Variants in BRDT observed in about 807,000 individuals in gnomAD.
BRDT encodes bromodomain testis-specific protein.
A neutral mutation model predicts 113.9 loss-of-function variants in BRDT; 77 were observed. That is an observed-to-expected ratio of 0.68 (90% CI 0.56 to 0.82). BRDT has a LOEUF of 0.82. BRDT is among the 40% of genes least tolerant of loss of function. The probability of loss-of-function intolerance (pLI) is 0.00; values close to 1 mark genes in which losing one functional copy is unlikely to be tolerated. For synonymous variants in BRDT, 358 were observed against 366.5 expected (o/e 0.98, Z 0.26); for missense variants, 1,027 against 1,105.4 (o/e 0.93, Z 1.01).
intron 12 of BRDT, among the ~76,000 whole-genome samples, chr1:91,990,510 T>C (rs2101731840): frequency 6.6e-6 from 1 of 152,344 alleles, no homozygotes; most frequent in South Asian, 2.1e-4. Context: ...GATTTTAGCA[T>C]AATGGATGCT....
intron 4 of BRDT, among the ~76,000 whole-genome samples, chr1:91,975,590 A>G (rs1684057193): frequency 6.6e-6 from 1 of 152,214 alleles, no homozygotes; most frequent in African/African-American, 2.4e-5. Flanking sequence ...TAATGCTAAC[A>G]GGGTTTGCTG....
In BRDT at chr1:91,994,322, T is replaced by C. The variant is rs7553126; in HGVS notation, c.2287+68T>C. ...TTCTAAACCTATACATATATGAAAA[T>C]GTTATGGTCATCTTAAATGTTAAAT... On this transcript the variant is annotated intron_variant, in intron 15 of 18. Coordinates refer to ENST00000399546, the MANE Select transcript of BRDT (RefSeq NM_207189.4). The C allele has an allele frequency of 1.8e-3, 2,204 of 1,240,910 alleles. 34 individuals carry two copies. In the African/African-American group the frequency reaches 0.03, roughly 17 times the overall value. The allele number at this position is 1,240,910 out of a possible 1,614,324, so 76.9% of individuals were successfully genotyped here. A position where few individuals can be genotyped will look rare whatever the true frequency, so the allele number is the denominator to read the frequency against.
intron 1 of BRDT, among the ~76,000 whole-genome samples, chr1:91,957,186 T>G (rs1681866069): frequency 6.6e-6 from 1 of 152,138 alleles, no homozygotes; most frequent in Non-Finnish European, 1.5e-5. Flanking sequence ...AGGATTTGTA[T>G]GTGTGTTTTA....
At chr1:91,952,750 C>A (rs1233518818) in intron 1 of BRDT, among the ~76,000 whole-genome samples, 1 of 121,508 alleles carries the variant, frequency 8.2e-6, no homozygotes, top group Non-Finnish European at 1.6e-5. Context: ...TCAAGACCAG[C>A]CTGGGTAACG....
chr1:91,980,616 G>C (rs768496621), intron 8 of BRDT, 27 bp from the exon 9 acceptor site: 1 of 1,389,460 alleles, frequency 7.2e-7, no homozygotes, highest in Admixed American at 2.8e-5. Flanking sequence ...AGACATGAAT[G>C]TTTACAGATT....
intron 15 of BRDT, among the ~76,000 whole-genome samples, chr1:91,996,113 T>C (rs748248412): frequency 8.5e-5 from 13 of 152,136 alleles, no homozygotes; most frequent in Admixed American, 2.0e-4. Flanking sequence ...GAAGATATGA[T>C]AGCTATAGGT....
At position 91,968,132 on chromosome 1, in the gene BRDT, A is replaced by G. The variant is rs368145053; in HGVS notation, c.331-14A>G. 2.5e-6 allele frequency: 4 copies of G among 1,612,644 alleles called. No individual in the cohort carries two copies. In the African/African-American group the frequency reaches 5.3e-5, roughly 22 times the overall value. On this transcript the variant is annotated splice_polypyrimidine_tract_variant and intron_variant, in intron 3 of 18. Coordinates refer to ENST00000399546, the MANE Select transcript of BRDT (RefSeq NM_207189.4). ...TACTGTATATCCTTATGGTATATTT[A>G]ATATATTTTGTAGCCTGGAGATGAC...
At chr1:92,007,166 T>C (rs11165947) in intron 18 of BRDT, among the ~76,000 whole-genome samples, 105,312 of 152,070 alleles carry the variant, frequency 0.69, 38,122 homozygotes, top group Middle Eastern at 0.8. Flanking sequence ...ATCTTGATAA[T>C]TGTTTTCTGT....
chr1:91,970,712 G>A (rs949812374), intron 4 of BRDT, among the ~76,000 whole-genome samples: 3 of 152,100 alleles, frequency 2.0e-5, no homozygotes, highest in African/African-American at 7.2e-5. Flanking sequence ...AGGAATTCAA[G>A]ACCAGCCTGA....
intron 5 of BRDT, 48 bp from the exon 6 acceptor site, chr1:91,976,995 T>A (rs766037028): frequency 4.6e-5 from 66 of 1,422,428 alleles, no homozygotes; most frequent in Non-Finnish European, 5.7e-5. Context: ...AACTATGCTC[T>A]GAATATCATC....
At chr1:91,992,381 T>C in intron 14 of BRDT, 67 bp downstream of exon 14, 1 of 925,782 alleles carries the variant, frequency 1.1e-6, no homozygotes, top group Non-Finnish European at 1.6e-6. Context: ...AGGGGCTTAC[T>C]TTTTAAAATA....
rs1289443778 is a variant in BRDT, at chr1:91,980,775, A to G, written c.1420A>G (p.Met474Val). Residue 474 changes from methionine (M) to valine (V), a missense_variant, in exon 9 of 19, where the codon ATG (methionine) becomes GTG (valine). By Grantham distance (21) the Met-to-Val change is conservative. Transcript: ENST00000399546. ...TAACAGCAATGAAAATCCAAGAAAA[A>G]TGTGTGAGCAAATGAGGCTAAAGGA... ...VNNSNENPRK[M>V]CEQMRLKEKS... 6.2e-7 allele frequency: 1 copy of G among 1,604,814 alleles called. No individual in the cohort carries two copies. The highest frequency in any genetic ancestry group is 2.2e-5 in the East Asian group (1 of 44,792).
intron 1 of BRDT, among the ~76,000 whole-genome samples, chr1:91,956,189 T>C (rs963805734): frequency 6.6e-6 from 1 of 152,194 alleles, no homozygotes; most frequent in African/African-American, 2.4e-5. Flanking sequence ...CAAAATGTTA[T>C]GACCGATCTT....
At chr1:91,967,847 A>C (rs1683233510) in intron 3 of BRDT, among the ~76,000 whole-genome samples, 1 of 152,148 alleles carries the variant, frequency 6.6e-6, no homozygotes, top group Non-Finnish European at 1.5e-5. Context: ...TCTCAGTTTT[A>C]ATACCTGTTT....
rs748498719 is a variant in BRDT at position 91,979,694 on chromosome 1, A to G, written c.1224A>G (p.Glu408=). The change falls in exon 8 of 19, where the codon GAA becomes GAG. Residue 408 remains glutamate, a synonymous_variant. Transcript: ENST00000399546. ...AGAACACTAATGAAGCCTCCTCTGA[A>G]GGGAACTCTTCTGATGATTCTGAAG... ...GRENTNEASS[E]GNSSDDSEDE... is the part of the protein sequence containing the mutation. 1.2e-6 allele frequency: 2 copies of G among 1,614,006 alleles called. No homozygotes were observed. The highest frequency in any genetic ancestry group is 2.2e-5 in the South Asian group (2 of 91,024).
intron 12 of BRDT, among the ~76,000 whole-genome samples, chr1:91,982,632 C>T (rs1417552272): frequency 6.6e-6 from 1 of 152,154 alleles, no homozygotes; most frequent in Non-Finnish European, 1.5e-5. Context: ...AAAAGCATCC[C>T]TCTTTTTTTC....
At chr1:92,012,491 TTA>T (rs1687884742) in intron 18 of BRDT, among the ~76,000 whole-genome samples, 1 of 152,250 alleles carries the variant, frequency 6.6e-6, no homozygotes. Flanking sequence ...GTCTGGATAC[TTA>T]TAGCAGTATC....
rs72718424 is a variant in BRDT at position 92,000,305 on chromosome 1, C to T, written c.2288-1744C>T. Among the ~76,000 whole-genome samples, 699 of 152,300 alleles carry T rather than the reference C, an allele frequency of 4.6e-3. 1 individual carries two copies. Among genetic ancestry groups the T allele is most frequent in the Non-Finnish European group, 6.0e-3 (411 of 68,020 alleles). ...TTACCATACATACTTTTTCTCCTTC[C>T]TAAATAATCACTGACAGGAAGCAGA... On this transcript the variant is annotated intron_variant, in intron 15 of 18. Transcript: ENST00000399546.
intron 14 of BRDT, among the ~76,000 whole-genome samples, chr1:91,993,086 A>G (rs1685951909): frequency 6.6e-6 from 1 of 152,206 alleles, no homozygotes. Context: ...TCATGTATGA[A>G]TGTATATATT....
Sources: gnomAD v4.1 joint callset for allele counts (sites outside exome capture counted in the v4.1 genomes callset) on GRCh38, gnomAD v4.1.1 for gene constraint, MANE v1.5 for transcripts, NCBI Gene and HGNC (gene_info 2026-07-23, HGNC 2026-07-21) for gene names.